Variants in LDLRAP1 observed in about 807,000 individuals in gnomAD.
LDLRAP1 encodes the protein low density lipoprotein receptor adapter protein 1.
Under a neutral mutation model 37.8 loss-of-function variants are expected in LDLRAP1, and 30 were observed. The observed-to-expected ratio is 0.79, with a 90% CI of 0.59 to 1.08. The LOEUF is 1.08. LDLRAP1 is among the 50% of genes least tolerant of loss of function. The pLI is 0.00. For missense variants in LDLRAP1, 375 were observed against 401.6 expected, an observed-to-expected ratio of 0.93 and a Z score of 0.57; for synonymous variants, 156 against 169.8, an observed-to-expected ratio of 0.92 and a Z score of 0.63.
chr1:25,560,632 C>T (rs571094955), intron 4 of LDLRAP1, among the ~76,000 whole-genome samples: 2 of 152,316 alleles, frequency 1.3e-5, no homozygotes, highest in African/African-American at 4.8e-5. Flanking sequence ...TGGAGTGATC[C>T]TTGTGCAAGG....
In LDLRAP1 at chr1:25,544,532, G is replaced by A. The variant is rs1485248194; in HGVS notation, c.88+746G>A. 6.6e-6 allele frequency among the ~76,000 whole-genome samples: 1 copy of A among 152,204 alleles called. No individual in the cohort carries two copies. The highest frequency in any genetic ancestry group is 2.4e-5 in the African/African-American group (1 of 41,452). On this transcript the variant is annotated intron_variant, in intron 1 of 8. Transcript: ENST00000374338. This position sits in a 1 kb window ranked among gnomAD's most constrained non-coding sequence, Gnocchi z 4.8. ...GCTTCCAGAGTCCCTTGGGTGCCCAGGCAAACGACAGACTCGCCGCCACCT... is the reference window on the plus strand; with the variant it reads ...GCTTCCAGAGTCCCTTGGGTGCCCAAGCAAACGACAGACTCGCCGCCACCT...
At position 25,566,993 on chromosome 1, in the gene LDLRAP1, G is replaced by A; in HGVS notation, c.*1G>A. 6.2e-7 allele frequency: 1 copy of A among 1,613,252 alleles called. No homozygotes were observed. The highest frequency in any genetic ancestry group is 2.2e-5 in the East Asian group (1 of 44,888). ...GCAGGATGACCTCTTCAGCTTCTGA[G>A]GGCCCGGGGCCAGCCGGACACAAGC... On this transcript the variant is annotated 3_prime_UTR_variant, in exon 9 of 9. Transcript: ENST00000374338.
chr1:25,570,578 G>A (rs1201497443), downstream of LDLRAP1, among the ~76,000 whole-genome samples: 2 of 152,122 alleles, frequency 1.3e-5, no homozygotes, highest in Non-Finnish European at 2.9e-5. Flanking sequence ...GAAGTAACCC[G>A]GCCGGGCGCA....
intron 7 of LDLRAP1, chr1:25,564,914 A>AG (rs2044436800): frequency 7.7e-6 from 4 of 520,352 alleles, no homozygotes; most frequent in Non-Finnish European, 7.0e-6. Flanking sequence ...AGCATGGACC[A>AG]GGGCACTGAA....
chr1:25,562,008 C>T (rs958856900), intron 4 of LDLRAP1, among the ~76,000 whole-genome samples: 6 of 152,002 alleles, frequency 3.9e-5, no homozygotes, highest in South Asian at 2.1e-4. Context: ...GGTGAAGGGC[C>T]GAGGTGTGGC....
chr1:25,551,460 A>G (rs2044069711), intron 1 of LDLRAP1, among the ~76,000 whole-genome samples: 1 of 152,188 alleles, frequency 6.6e-6, no homozygotes, highest in Non-Finnish European at 1.5e-5. Flanking sequence ...GAATGAGAGA[A>G]TGCCTGCTTG....
rs1024390429 is a variant in LDLRAP1, at chr1:25,562,659, C to T, written c.475C>T (p.Leu159Phe). 7 of 1,614,098 alleles carry T rather than the reference C, an allele frequency of 4.3e-6. No individual in the cohort carries two copies. The African/African-American group carries it at 6.7e-5, about 15-fold the overall frequency. ...CTGTTTTCAGGCACAGGCTGTTACCCTCACCGTAGCCCAGGCCTTCAAAGT... is the reference window on the plus strand; with the variant it reads ...CTGTTTTCAGGCACAGGCTGTTACCTTCACCGTAGCCCAGGCCTTCAAAGT... ...TKRKMAQAVT[L>F]TVAQAFKVAF... The change falls in exon 5 of 9, where the codon CTC becomes TTC. Residue 159 changes from leucine to phenylalanine, a missense_variant. Leu to Phe is a conservative substitution (Grantham distance 22). Transcript: ENST00000374338.
intron 4 of LDLRAP1, among the ~76,000 whole-genome samples, chr1:25,558,886 A>T (rs2044275912): frequency 6.6e-6 from 1 of 152,194 alleles, no homozygotes; most frequent in Admixed American, 6.5e-5. Context: ...GGTGTCATGG[A>T]AGAGGCACTG....
chr1:25,554,965 A>C lies in LDLRAP1; in HGVS notation c.337A>C (p.Ile113Leu). The C allele has an allele frequency of 6.2e-7, 1 of 1,613,128 alleles. No individual in the cohort carries two copies. The highest frequency in any genetic ancestry group is 8.5e-7 in the Non-Finnish European group (1 of 1,179,072). Residue 113 changes from isoleucine (I) to leucine (L), a missense_variant, in exon 3 of 9, where the codon ATA (isoleucine) becomes CTA (leucine). By Grantham distance (5) the Ile-to-Leu change is conservative. Transcript: ENST00000374338. This position sits in a 1 kb window ranked among gnomAD's most constrained non-coding sequence, Gnocchi z 5.4. ...CAACCAGCTCATTGAGAACGTGTCC[A>C]TATACAGGTACGCTCAGCATGGGGT... ...LTNQLIENVS[I>L]YRISYCTADK...
intron 1 of LDLRAP1, chr1:25,549,943 G>C (rs926592290): frequency 2.0e-5 from 3 of 152,388 alleles, no homozygotes; most frequent in African/African-American, 7.2e-5. Flanking sequence ...GGGAACATGG[G>C]GTACAAGGGA....
At chr1:25,573,076 CAG>C (rs749186188), downstream of LDLRAP1, among the ~76,000 whole-genome samples, 20 of 134,200 alleles carry the variant, frequency 1.5e-4, no homozygotes, top group African/African-American at 2.3e-4. Flanking sequence ...GCAGTCCAAA[CAG>C]GGGCTGCTTT....
At chr1:25,556,438 T>A (rs1012478944) in intron 3 of LDLRAP1, among the ~76,000 whole-genome samples, 1 of 152,108 alleles carries the variant, frequency 6.6e-6, no homozygotes, top group Non-Finnish European at 1.5e-5. Context: ...TGTTGGGTCC[T>A]CGTCACACAC....
At chr1:25,548,594 C>G (rs945624821) in intron 1 of LDLRAP1, among the ~76,000 whole-genome samples, 1 of 152,096 alleles carries the variant, frequency 6.6e-6, no homozygotes, top group Non-Finnish European at 1.5e-5. Flanking sequence ...AGTGATCCAC[C>G]TGCTTTGGCC....
At chr1:25,579,084 C>A in the LDLRAP1 span, among the ~76,000 whole-genome samples, 1 of 152,194 alleles carries the variant, frequency 6.6e-6, no homozygotes, top group African/African-American at 2.4e-5. Flanking sequence ...AAAGCCTTGA[C>A]TTGTAGCGCT....
the LDLRAP1 span, among the ~76,000 whole-genome samples, chr1:25,579,059 C>T: frequency 6.6e-6 from 1 of 152,190 alleles, no homozygotes; most frequent in South Asian, 2.1e-4. Flanking sequence ...TATGCCACCT[C>T]TCCATGTGTT....
At position 25,567,493 on chromosome 1, in the gene LDLRAP1, GTCC is replaced by G. The variant is rs2044515941; in HGVS notation, c.*506_*508del. The stretch of plus-strand genomic sequence containing the variant: ...ACCCACAGCCGCAGAAGGGGAATGT[GTCC>G]TCCTGCTCTGCTTCCTCAGGGCCCA... On this transcript the variant is annotated 3_prime_UTR_variant, in exon 9 of 9. Transcript: ENST00000374338. 1 of 273,122 alleles carries G rather than the reference GTCC, an allele frequency of 3.7e-6. No homozygotes were observed. Among genetic ancestry groups the G allele is most frequent in the Non-Finnish European group, 7.2e-6 (1 of 139,232 alleles). The allele number at this position is 273,122 out of a possible 1,614,324, so 16.9% of individuals were successfully genotyped here.
In LDLRAP1 at chr1:25,557,366, G is replaced by C. The variant is rs114723184; in HGVS notation, c.459+99G>C. 9.1e-4 allele frequency: 823 copies of C among 907,998 alleles called. 3 individuals are homozygous for C. The African/African-American group carries it at 9.9e-3, about 11-fold the overall frequency. The allele number at this position is 907,998 out of a possible 1,614,324, so 56.2% of individuals were successfully genotyped here. The stretch of plus-strand genomic sequence containing the variant: ...GGTGTGGGAGGCAGGACCCAAAGGT[G>C]ACCATTACTTAAGAAGAGGGTGAAA... On this transcript the variant is annotated intron_variant, in intron 4 of 8. Coordinates refer to ENST00000374338, the MANE Select transcript of LDLRAP1 (RefSeq NM_015627.3).
the LDLRAP1 span, among the ~76,000 whole-genome samples, chr1:25,574,089 T>G: frequency 1.3e-5 from 2 of 152,090 alleles, no homozygotes; most frequent in East Asian, 3.9e-4. Context: ...GACAGAGTGC[T>G]GGAGGAGGTA....
In LDLRAP1 at chr1:25,563,746, C is replaced by T. The variant is rs1370019499; in HGVS notation, c.702C>T (p.Asp234=). The change falls in exon 7 of 9, where the codon GAC becomes GAT. Residue 234 remains aspartate (D), a synonymous_variant. Transcript: ENST00000374338. ...TCAGCGCCAACACCACCAACATGGA[C>T]GAGGTGCCGCGGCCACAAGCCTTGA... ...STVSANTTNM[D]EVPRPQALSG... 36 of 1,613,858 alleles carry T rather than the reference C, an allele frequency of 2.2e-5. No individual in the cohort carries two copies. The highest frequency in any genetic ancestry group is 2.9e-5 in the Non-Finnish European group (34 of 1,180,038).
Sources: allele counts gnomAD v4.1 joint callset (sites outside exome capture counted in the v4.1 genomes callset), GRCh38; gene constraint gnomAD v4.1.1; non-coding constraint Gnocchi (gnomAD v3.1); transcripts MANE v1.5; gene names NCBI Gene and HGNC (gene_info 2026-07-23, HGNC 2026-07-21).